AK8: variants seen among roughly 807,000 people sequenced by gnomAD.
AK8 encodes the protein adenylate kinase 8, also known as ATP-AMP transphosphorylase 8.
Under a neutral mutation model 54.6 loss-of-function variants are expected in AK8, and 44 were observed. The ratio of observed to expected loss-of-function variants is 0.81; its 90% CI spans 0.63 to 1.04. The LOEUF is 1.04. Among genes scored for constraint, AK8 ranks in the 50% least tolerant of loss-of-function variants. The pLI is 0.00. For synonymous variants in AK8, 239 were observed against 245.6 expected, an observed-to-expected ratio of 0.97 and a Z score of 0.25; for missense variants, 555 against 613.6, an observed-to-expected ratio of 0.90 and a Z score of 1.01.
chr9:132,807,819 T>A (rs564057652), intron 10 of AK8, among the ~76,000 whole-genome samples: 33 of 152,248 alleles, frequency 2.2e-4, no homozygotes, highest in African/African-American at 7.7e-4. Context: ...AAAGACAGAA[T>A]TATGGCCAAT....
At chr9:132,867,513 C>T (rs919890205) in intron 2 of AK8, among the ~76,000 whole-genome samples, 1 of 152,220 alleles carries the variant, frequency 6.6e-6, no homozygotes, top group African/African-American at 2.4e-5. Flanking sequence ...GATTTTAGTC[C>T]TGGCTGGTTT....
intron 10 of AK8, among the ~76,000 whole-genome samples, chr9:132,802,256 C>T (rs1421040071): frequency 1.3e-5 from 2 of 152,146 alleles, no homozygotes; most frequent in East Asian, 1.9e-4. Context: ...ATCAAGCCTT[C>T]CCCGGTGTGG....
At chr9:132,767,330 G>A (rs972627212) in intron 11 of AK8, among the ~76,000 whole-genome samples, 2 of 152,018 alleles carry the variant, frequency 1.3e-5, no homozygotes, top group Admixed American at 6.6e-5. Context: ...GAAGATATAC[G>A]AATGGCCAAC....
At chr9:132,817,555 G>T (rs1467014545) in intron 9 of AK8, among the ~76,000 whole-genome samples, 1 of 152,176 alleles carries the variant, frequency 6.6e-6, no homozygotes, top group Non-Finnish European at 1.5e-5. Context: ...AAAAGAACCA[G>T]ATGGAAATTC....
At chr9:132,751,096 G>A (rs915057187) in intron 11 of AK8, among the ~76,000 whole-genome samples, 1 of 151,814 alleles carries the variant, frequency 6.6e-6, no homozygotes, top group African/African-American at 2.4e-5. Context: ...AAACTTCTGG[G>A]TTTTATGCCG....
intron 4 of AK8, among the ~76,000 whole-genome samples, chr9:132,863,445 A>C (rs984253532): frequency 3.3e-5 from 5 of 152,208 alleles, no homozygotes; most frequent in Non-Finnish European, 7.3e-5. Context: ...ATCCTTTCCC[A>C]CTGCAAAAAC....
At chr9:132,861,950 A>G (rs759974030) in intron 4 of AK8, among the ~76,000 whole-genome samples, 6 of 152,218 alleles carry the variant, frequency 3.9e-5, no homozygotes, top group African/African-American at 9.6e-5. Flanking sequence ...AAGCACTTCA[A>G]TGTGGTTTGA....
At chr9:132,867,083 AC>A in intron 2 of AK8, 130 bp from the exon 3 acceptor site, 1 of 833,628 alleles carries the variant, frequency 1.2e-6, no homozygotes, top group Non-Finnish European at 2.0e-6. Context: ...GCCATTTGTA[AC>A]CCAGCAGCTC....
chr9:132,857,380 G>A (rs560421885), intron 4 of AK8, among the ~76,000 whole-genome samples: 1 of 152,238 alleles, frequency 6.6e-6, no homozygotes, highest in East Asian at 1.9e-4. Flanking sequence ...GGCCCCCGGG[G>A]TCTGGGGGAA....
intron 11 of AK8, among the ~76,000 whole-genome samples, chr9:132,740,951 G>A (rs565949246): frequency 6.6e-6 from 1 of 152,334 alleles, no homozygotes; most frequent in Admixed American, 6.5e-5. Context: ...ACTCTCAGAA[G>A]ATGGTGGGCC....
chr9:132,728,395 T>C (rs1223097140), intron 11 of AK8, among the ~76,000 whole-genome samples: 1 of 152,240 alleles, frequency 6.6e-6, no homozygotes, highest in Non-Finnish European at 1.5e-5. Context: ...AGACTTGGGC[T>C]AGACTCTCAC....
chr9:132,788,434 T>C (rs1203832312), intron 11 of AK8, among the ~76,000 whole-genome samples: 1 of 152,206 alleles, frequency 6.6e-6, no homozygotes, highest in Non-Finnish European at 1.5e-5. Flanking sequence ...TTAGAATAAA[T>C]GTTGGGGTAG....
chr9:132,808,405 C>A (rs887983300), intron 10 of AK8, among the ~76,000 whole-genome samples: 14 of 152,202 alleles, frequency 9.2e-5, no homozygotes, highest in Admixed American at 6.5e-4. Context: ...ACAGTGCCAT[C>A]ACCAAGAGCC....
At chr9:132,757,010 G>A (rs940961324) in intron 11 of AK8, among the ~76,000 whole-genome samples, 8 of 152,128 alleles carry the variant, frequency 5.3e-5, no homozygotes, top group Non-Finnish European at 1.2e-4. Flanking sequence ...GATTTTATGA[G>A]CACTCTATAT....
At chr9:132,769,518 C>T in intron 11 of AK8, 1 of 152,264 alleles carries the variant, frequency 6.6e-6, no homozygotes, top group Non-Finnish European at 1.5e-5. Context: ...GGGGTGAGTG[C>T]ATGGGGGAGG....
chr9:132,798,637 CA>C (rs1164904986), intron 10 of AK8, among the ~76,000 whole-genome samples: 1 of 152,012 alleles, frequency 6.6e-6, no homozygotes, highest in African/African-American at 2.4e-5. Context: ...TAGCCAACTG[CA>C]AGATATGAGT....
At chr9:132,815,912 C>T (rs1310703681) in intron 9 of AK8, among the ~76,000 whole-genome samples, 2 of 152,216 alleles carry the variant, frequency 1.3e-5, no homozygotes, top group African/African-American at 4.8e-5. Context: ...AACTGGATAG[C>T]ATGAATGTTT....
Position 132,836,707 on chromosome 9 carries a change from C to T in AK8, c.403-7981G>A, listed in dbSNP as rs1481403243. Among the ~76,000 whole-genome samples, 6 of 152,266 alleles carry T rather than the reference C, an allele frequency of 3.9e-5. No individual in the cohort carries two copies. In the East Asian group the frequency reaches 7.7e-4, roughly 20 times the overall value. ...GGACAGACACATTTCAATTAGAATG[C>T]GGGGGTCTAGTGAGTTAACAGCTAC... On this transcript the variant is annotated intron_variant, in intron 5 of 12. Transcript: ENST00000298545.
At chr9:132,878,621 G>A (rs968391403), upstream of AK8, 24 of 1,068,080 alleles carry the variant, frequency 2.2e-5, no homozygotes, top group African/African-American at 4.0e-4. This position sits in a 1 kb window ranked among gnomAD's most constrained non-coding sequence, Gnocchi z 4.7. Flanking sequence ...AGTGCTCCCC[G>A]GCCCGGCTCC....
Sources: gnomAD v4.1 joint callset for allele counts (sites outside exome capture counted in the v4.1 genomes callset) on GRCh38, gnomAD v4.1.1 for gene constraint, Gnocchi (gnomAD v3.1) non-coding constraint, MANE v1.5 for transcripts, NCBI Gene and HGNC (gene_info 2026-07-23, HGNC 2026-07-21) for gene names.